Variants in EFCAB6 observed in about 807,000 individuals in gnomAD.
The protein encoded by EFCAB6 is EF-hand calcium-binding domain-containing protein 6.
EFCAB6 carries 156 observed loss-of-function variants against 169.8 expected under a neutral mutation model. The observed-to-expected ratio is 0.92, with a 90% CI of 0.81 to 1.05. The LOEUF (loss-of-function observed/expected upper bound fraction) is 1.05. EFCAB6 is among the 50% of genes least tolerant of loss of function. The pLI is 0.00. For synonymous variants in EFCAB6, 698 were observed against 676.4 expected (o/e 1.03, Z -0.50); for missense variants, 1,800 against 1,829.1 (o/e 0.98, Z 0.29).
rs1172174002 is a variant in EFCAB6, at chr22:43,618,165, GGAAAGAAAGAAAGAAAGAAA to G, written c.2466-2263_2466-2244del. Among the ~76,000 whole-genome samples the G allele has an allele frequency of 7.7e-3, 524 of 68,086 alleles. 11 individuals are homozygous for G. The highest frequency in any genetic ancestry group is 9.5e-3 in the Non-Finnish European group (340 of 35,934). 44.7% of individuals were successfully genotyped at this position (68,086 alleles called of 152,430 possible). A position where few individuals can be genotyped will look rare whatever the true frequency, so the allele number is the denominator to read the frequency against. On this transcript the variant is annotated intron_variant, in intron 20 of 31. Transcript: ENST00000262726. Reference sequence around the variant, plus strand: ...GAGGAGGAAGGAAGGAAGGAAGGAAGGAAAGAAAGAAAGAAAGAAAGAAAGAAAGAAAGAAAGAAAGAAAG... The same window carrying G: ...GAGGAGGAAGGAAGGAAGGAAGGAAGGAAAGAAAGAAAGAAAGAAAGAAAG...
intron 24 of EFCAB6, 75 bp from the exon 25 acceptor site, chr22:43,580,734 GAGCACATTGGGCA>G: frequency 6.7e-7 from 1 of 1,488,210 alleles, no homozygotes; most frequent in South Asian, 1.2e-5. Context: ...AACAGTTGCT[GAGCACATTGGGCA>G]ATGTGGGGAA....
intron 4 of EFCAB6, among the ~76,000 whole-genome samples, chr22:43,766,160 G>T (rs547959506): frequency 1.3e-5 from 2 of 151,860 alleles, no homozygotes; most frequent in African/African-American, 4.8e-5. Flanking sequence ...CTCAGGTTCT[G>T]GAGCAGCTGG....
intron 6 of EFCAB6, among the ~76,000 whole-genome samples, chr22:43,747,943 A>C (rs1218418399): frequency 6.6e-6 from 1 of 152,178 alleles, no homozygotes; most frequent in Non-Finnish European, 1.5e-5. Context: ...CCGCCCAATA[A>C]ACACATTTTT....
At chr22:43,743,073 T>A (rs1379551669) in intron 6 of EFCAB6, among the ~76,000 whole-genome samples, 3 of 152,116 alleles carry the variant, frequency 2.0e-5, no homozygotes, top group African/African-American at 7.2e-5. Context: ...AGGAGTGAAG[T>A]AAAAGAAGGA....
Position 43,711,471 on chromosome 22 carries a change from T to A in EFCAB6, c.1031+4A>T. 2 of 1,577,718 alleles carry A rather than the reference T, an allele frequency of 1.3e-6. No individual in the cohort carries two copies. The highest frequency in any genetic ancestry group is 1.7e-6 in the Non-Finnish European group (2 of 1,168,420). ...AAATGTCAAGGAAACAATGAGACTC[T>A]TACCTTTTCATTAACTGGATAAAAA... is the stretch of plus-strand genomic sequence containing the variant. On this transcript the variant is annotated splice_donor_region_variant and intron_variant, in intron 10 of 31. Transcript: ENST00000262726.
At chr22:43,546,231 A>G (rs1434301034) in intron 27 of EFCAB6, among the ~76,000 whole-genome samples, 1 of 152,238 alleles carries the variant, frequency 6.6e-6, no homozygotes, top group Non-Finnish European at 1.5e-5. Flanking sequence ...TTAAAAATAT[A>G]ATCATTGATA....
At chr22:43,770,430 A>T (rs1478959003) in intron 4 of EFCAB6, among the ~76,000 whole-genome samples, 1 of 152,250 alleles carries the variant, frequency 6.6e-6, no homozygotes, top group Non-Finnish European at 1.5e-5. Flanking sequence ...TGAGGTGACT[A>T]ACATGTGAAA....
At chr22:43,721,550 T>C (rs1305676870) in intron 8 of EFCAB6, among the ~76,000 whole-genome samples, 4 of 151,976 alleles carry the variant, frequency 2.6e-5, no homozygotes, top group Admixed American at 2.0e-4. Flanking sequence ...AACAGACACA[T>C]AGGCAAATGG....
intron 3 of EFCAB6, among the ~76,000 whole-genome samples, chr22:43,774,664 G>T (rs997669592): frequency 1.3e-5 from 2 of 151,686 alleles, no homozygotes; most frequent in African/African-American, 4.8e-5. Flanking sequence ...ACAGAGGATG[G>T]CTGGTTTCCG....
intron 6 of EFCAB6, among the ~76,000 whole-genome samples, chr22:43,738,016 TCACA>T (rs975661450): frequency 7.4e-6 from 1 of 135,524 alleles, no homozygotes; most frequent in Non-Finnish European, 1.6e-5. Context: ...GCACATACAC[TCACA>T]CACACACACC....
intron 23 of EFCAB6, among the ~76,000 whole-genome samples, chr22:43,597,776 T>C (rs1457539428): frequency 6.6e-6 from 1 of 152,192 alleles, no homozygotes; most frequent in African/African-American, 2.4e-5. Context: ...ATATCTGCAT[T>C]TCCATGTTTA....
Position 43,537,316 on chromosome 22 carries a change from G to A in EFCAB6, c.4048+61C>T. The A allele has an allele frequency of 3.8e-6, 6 of 1,580,840 alleles. No individual in the cohort carries two copies. Among genetic ancestry groups the A allele is most frequent in the Admixed American group, 1.7e-5 (1 of 57,784 alleles). The stretch of plus-strand genomic sequence containing the variant: ...CGGGGTGTGGCTTTGTACCCAGTGG[G>A]AACAGCCTCTTGCCACAGGGGCTGA... On this transcript the variant is annotated intron_variant, in intron 29 of 31. Transcript: ENST00000262726. The surrounding 1 kb of genome is among the most constrained non-coding windows in gnomAD (Gnocchi z 4.3).
At chr22:43,806,646 C>T (rs1334712904) in intron 2 of EFCAB6, among the ~76,000 whole-genome samples, 4 of 152,160 alleles carry the variant, frequency 2.6e-5, no homozygotes, top group Non-Finnish European at 4.4e-5. Context: ...AGGCATGCTA[C>T]GTTCTTACCC....
intron 26 of EFCAB6, among the ~76,000 whole-genome samples, chr22:43,566,692 C>G (rs1368230595): frequency 2.0e-5 from 3 of 152,228 alleles, no homozygotes; most frequent in Non-Finnish European, 4.4e-5. Flanking sequence ...AACACAGAAG[C>G]CTCCTGAAAA....
chr22:43,614,598 G>T (rs780016661), intron 21 of EFCAB6, among the ~76,000 whole-genome samples: 18 of 152,192 alleles, frequency 1.2e-4, no homozygotes, highest in African/African-American at 4.3e-4. Context: ...ATCCATGAAA[G>T]GTTCTAGTCC....
At chr22:43,570,972 G>A (rs1456462255) in intron 26 of EFCAB6, among the ~76,000 whole-genome samples, 4 of 152,194 alleles carry the variant, frequency 2.6e-5, no homozygotes, top group Non-Finnish European at 5.9e-5. Flanking sequence ...TTTAAGAAGC[G>A]CTGTCTGATT....
At chr22:43,746,812 C>G (rs2060582752) in intron 6 of EFCAB6, among the ~76,000 whole-genome samples, 1 of 152,168 alleles carries the variant, frequency 6.6e-6, no homozygotes, top group South Asian at 2.1e-4. Flanking sequence ...CCTTTCTTTC[C>G]TTTCTTTCTT....
At chr22:43,538,141 C>T (rs942108624) in intron 28 of EFCAB6, among the ~76,000 whole-genome samples, 4 of 152,194 alleles carry the variant, frequency 2.6e-5, no homozygotes, top group South Asian at 2.1e-4. Flanking sequence ...TCTCTCAAAC[C>T]TCAGAGCCTC....
At chr22:43,560,974 C>T (rs2048993211) in intron 26 of EFCAB6, among the ~76,000 whole-genome samples, 1 of 152,188 alleles carries the variant, frequency 6.6e-6, no homozygotes, top group Non-Finnish European at 1.5e-5. Context: ...GGGCACCTAT[C>T]AGCCTCCATT....
Sources: allele counts gnomAD v4.1 joint callset (sites outside exome capture counted in the v4.1 genomes callset), GRCh38; gene constraint gnomAD v4.1.1; non-coding constraint Gnocchi (gnomAD v3.1); transcripts MANE v1.5; gene names NCBI Gene and HGNC (gene_info 2026-07-23, HGNC 2026-07-21).